The following FAAH2 variants were observed in gnomAD, a reference collection of about 807,000 sequenced individuals.
FAAH2 encodes the protein fatty-acid amide hydrolase 2.
FAAH2 carries 60 observed loss-of-function variants against 36.9 expected under a neutral mutation model. That is an observed-to-expected ratio of 1.63 (90% CI 1.32 to 2.02). FAAH2 has a LOEUF of 2.02. Ranked by LOEUF, FAAH2 falls within the 30% of genes most tolerant of loss-of-function variation. The pLI, the probability that FAAH2 is intolerant of heterozygous loss-of-function variation, is 0.00. For synonymous variants in FAAH2, 214 were observed against 143.8 expected, an observed-to-expected ratio of 1.49 and a Z score of -3.49; for missense variants, 689 against 397.5, an observed-to-expected ratio of 1.73 and a Z score of -6.23.
chrX:57,395,877 G>A (rs1021134975), intron 7 of FAAH2, among the ~76,000 whole-genome samples: 13 of 111,790 alleles, frequency 1.2e-4, no homozygotes, highest in African/African-American at 4.2e-4. Flanking sequence ...AGTTAGAGAG[G>A]AATTGTTCTT....
chrX:57,352,082 G>GTATATA (rs1347715926), intron 5 of FAAH2, among the ~76,000 whole-genome samples: 352 of 4,271 alleles, frequency 0.082, 35 homozygotes, highest in African/African-American at 0.15. Context: ...ATATATATGT[G>GTATATA]TATATATATG....
intron 7 of FAAH2, among the ~76,000 whole-genome samples, chrX:57,425,165 C>T (rs2056129451): frequency 1.8e-5 from 2 of 110,837 alleles, no homozygotes; most frequent in Non-Finnish European, 3.8e-5. Flanking sequence ...CAAATTAATC[C>T]ACTCTGACAA....
At chrX:57,258,891 T>C in the FAAH2 span, among the ~76,000 whole-genome samples, 1 of 108,443 alleles carries the variant, frequency 9.2e-6, no homozygotes, top group Non-Finnish European at 1.9e-5. Context: ...TTTTTTTTTT[T>C]TTGGATTTTT....
chrX:57,334,822 G>T (rs2053502800), intron 4 of FAAH2, among the ~76,000 whole-genome samples: 1 of 111,376 alleles, frequency 9.0e-6, no homozygotes, highest in Admixed American at 9.5e-5. Flanking sequence ...TAACAAAAAA[G>T]TATGCATTAA....
At chrX:57,414,180 T>C (rs1182461065) in intron 7 of FAAH2, among the ~76,000 whole-genome samples, 1 of 112,058 alleles carries the variant, frequency 8.9e-6, no homozygotes, top group Non-Finnish European at 1.9e-5. Context: ...ACATCCTCTC[T>C]TCCTATTTGA....
chrX:57,137,143 A>G, the FAAH2 span: 1 of 747,027 alleles, frequency 1.3e-6, no homozygotes, highest in Non-Finnish European at 1.6e-6. Context: ...ACTCCACCCC[A>G]TGTCTCCTGC....
At chrX:57,314,525 C>A (rs1284287197) in intron 3 of FAAH2, among the ~76,000 whole-genome samples, 1 of 111,412 alleles carries the variant, frequency 9.0e-6, no homozygotes, top group African/African-American at 3.3e-5. Flanking sequence ...TTACCATGCA[C>A]ACTCTTGGAC....
the FAAH2 span, among the ~76,000 whole-genome samples, chrX:57,255,764 G>A: frequency 3.8e-4 from 42 of 111,520 alleles, no homozygotes; most frequent in African/African-American, 1.3e-3. Context: ...TGGGTATTGA[G>A]GGAACATATG....
chrX:57,466,440 G>GTA (rs749402672), intron 10 of FAAH2, among the ~76,000 whole-genome samples: 1,337 of 94,293 alleles, frequency 0.014, 26 homozygotes, highest in African/African-American at 0.04. Context: ...TACTGGAAAA[G>GTA]TATATATATA....
chrX:57,221,472 C>T, the FAAH2 span, among the ~76,000 whole-genome samples: 2 of 111,117 alleles, frequency 1.8e-5, no homozygotes, highest in South Asian at 3.8e-4. Flanking sequence ...ATGCCATCCC[C>T]CAAGTAGCTC....
At chrX:57,247,634 A>G in the FAAH2 span, among the ~76,000 whole-genome samples, 3 of 111,789 alleles carry the variant, frequency 2.7e-5, no homozygotes, top group African/African-American at 9.8e-5. Flanking sequence ...CTTCATCTGT[A>G]TGATCAAAGG....
chrX:57,429,131 C>G (rs750954348), intron 7 of FAAH2, among the ~76,000 whole-genome samples: 2 of 109,417 alleles, frequency 1.8e-5, no homozygotes, highest in African/African-American at 3.3e-5. Flanking sequence ...GTCAGGAGAT[C>G]GAGACCACCG....
the FAAH2 span, among the ~76,000 whole-genome samples, chrX:57,216,991 G>A: frequency 7.3e-5 from 8 of 110,039 alleles, no homozygotes; most frequent in Non-Finnish European, 1.1e-4. Context: ...AGGTGGTATC[G>A]CATTGTGGTT....
At chrX:57,333,875 G>T (rs2053473407) in intron 4 of FAAH2, among the ~76,000 whole-genome samples, 1 of 111,634 alleles carries the variant, frequency 9.0e-6, no homozygotes, top group African/African-American at 3.2e-5. Context: ...ACTACACCTA[G>T]CATAATATTT....
chrX:57,191,456 A>AT, the FAAH2 span, among the ~76,000 whole-genome samples: 661 of 109,772 alleles, frequency 6.0e-3, 5 homozygotes, highest in African/African-American at 0.02. Context: ...TCAATTTTTT[A>AT]TTTTTTTTCG....
the FAAH2 span, among the ~76,000 whole-genome samples, chrX:57,180,052 G>A: frequency 8.9e-6 from 1 of 112,063 alleles, no homozygotes; most frequent in Non-Finnish European, 1.9e-5. Context: ...GTCGCAAGAA[G>A]TTCTTTGAGA....
chrX:57,467,951 G>C (rs1011999646), intron 10 of FAAH2, among the ~76,000 whole-genome samples: 1 of 111,989 alleles, frequency 8.9e-6, no homozygotes, highest in African/African-American at 3.2e-5. Flanking sequence ...AATATTCGTT[G>C]TTCCACAGCT....
At chrX:57,366,674 C>T (rs886251600) in intron 5 of FAAH2, among the ~76,000 whole-genome samples, 4 of 112,434 alleles carry the variant, frequency 3.6e-5, no homozygotes, top group African/African-American at 1.3e-4. Flanking sequence ...TGCTGGAAGT[C>T]TGTCTGCAAA....
At chrX:57,327,943 G>C (rs188511032) in intron 3 of FAAH2, among the ~76,000 whole-genome samples, 5,340 of 111,139 alleles carry the variant, frequency 0.048, 138 homozygotes, top group Admixed American at 0.069. Context: ...TGGTTTTTTT[G>C]CTCTGTTTTT....
Sources: gnomAD v4.1 joint callset for allele counts (sites outside exome capture counted in the v4.1 genomes callset) on GRCh38, gnomAD v4.1.1 for gene constraint, MANE v1.5 for transcripts, NCBI Gene and HGNC (gene_info 2026-07-23, HGNC 2026-07-21) for gene names.